SMARCC1: variants seen among roughly 807,000 people sequenced by gnomAD.
SMARCC1 encodes SWI/SNF complex subunit SMARCC1.
In SMARCC1, 43 loss-of-function variants were observed where a neutral mutation model predicts 147.4. The observed-to-expected ratio is 0.29, with a 90% CI of 0.23 to 0.38. The LOEUF (loss-of-function observed/expected upper bound fraction) is 0.38. SMARCC1 is among the 10% of genes least tolerant of loss of function. SMARCC1 has a pLI of 1.00. For synonymous variants in SMARCC1, 495 were observed against 484.4 expected (o/e 1.02, Z -0.29); for missense variants, 1,119 against 1,381.1 (o/e 0.81, Z 3.01).
intron 21 of SMARCC1, among the ~76,000 whole-genome samples, chr3:47,646,162 AT>A (rs1345471325): frequency 6.6e-6 from 1 of 152,124 alleles, no homozygotes; most frequent in Non-Finnish European, 1.5e-5. Context: ...TCTAAAAAAA[AT>A]AAATAATTTA....
chr3:47,658,419 T>C (rs2033291815), intron 21 of SMARCC1, among the ~76,000 whole-genome samples: 1 of 152,240 alleles, frequency 6.6e-6, no homozygotes, highest in Non-Finnish European at 1.5e-5. Context: ...ATCCTTTTGC[T>C]ATCAACCCCC....
intron 22 of SMARCC1, among the ~76,000 whole-genome samples, chr3:47,636,798 G>A (rs1400393763): frequency 5.8e-5 from 6 of 102,686 alleles, no homozygotes; most frequent in African/African-American, 1.0e-4. Context: ...ATGTGTGTGT[G>A]TGTGTGTGTG....
intron 2 of SMARCC1, among the ~76,000 whole-genome samples, chr3:47,754,800 T>G (rs2034669477): frequency 1.3e-5 from 2 of 152,144 alleles, no homozygotes; most frequent in African/African-American, 4.8e-5. Context: ...GCCAGAACTT[T>G]GGGAGGCCAA....
At chr3:47,658,005 C>G (rs2033286361) in intron 21 of SMARCC1, among the ~76,000 whole-genome samples, 1 of 151,444 alleles carries the variant, frequency 6.6e-6, no homozygotes, top group Admixed American at 6.6e-5. Flanking sequence ...TAACCCAAAG[C>G]AAGCAGAAGG....
At chr3:47,657,412 G>GA (rs1239034733) in intron 21 of SMARCC1, among the ~76,000 whole-genome samples, 3 of 152,262 alleles carry the variant, frequency 2.0e-5, no homozygotes, top group South Asian at 4.1e-4. Flanking sequence ...AGTAAAAGAA[G>GA]AAAATCTTTA....
rs372364849 is a variant in SMARCC1 at position 47,710,799 on chromosome 3, T to C, written c.802A>G (p.Lys268Glu). 17 of 1,610,836 alleles carry C rather than the reference T, an allele frequency of 1.1e-5. No individual in the cohort carries two copies. In the African/African-American group the frequency reaches 2.1e-4, roughly 20 times the overall value. The stretch of plus-strand genomic sequence containing the variant: ...AAAATATCAGTGTCCAAAATCCATT[T>C]CACATGAACCTAAAACCATATCAAA... ...IPEKPWKVHV[K>E]WILDTDIFNE... Residue 268 changes from lysine to glutamate, a missense_variant, in exon 9 of 28, where the codon AAA (lysine) becomes GAA (glutamate). Physicochemically the swap from Lys to Glu is moderately conservative, Grantham distance 56 (BLOSUM62 1). Coordinates refer to ENST00000254480, the MANE Select transcript of SMARCC1 (RefSeq NM_003074.4).
chr3:47,598,888 C>G (rs191200677), intron 26 of SMARCC1, among the ~76,000 whole-genome samples: 92 of 144,884 alleles, frequency 6.3e-4, no homozygotes, highest in African/African-American at 2.3e-3. Context: ...CACACACACA[C>G]AGAGACAAAG....
intron 1 of SMARCC1, among the ~76,000 whole-genome samples, chr3:47,779,362 C>T (rs573372332): frequency 3.3e-5 from 5 of 152,162 alleles, no homozygotes; most frequent in Middle Eastern, 3.2e-3. Flanking sequence ...AAAACCAATG[C>T]GTACACCAAA....
chr3:47,639,133 G>A (rs1322795786), intron 21 of SMARCC1, among the ~76,000 whole-genome samples: 1 of 152,054 alleles, frequency 6.6e-6, no homozygotes, highest in Admixed American at 6.6e-5. Flanking sequence ...GTCTGCTTAG[G>A]ATTTTCGATT....
At chr3:47,780,252 G>GCTT (rs1189757488) in intron 1 of SMARCC1, among the ~76,000 whole-genome samples, 1 of 131,588 alleles carries the variant, frequency 7.6e-6, no homozygotes, top group Non-Finnish European at 1.5e-5. Context: ...GCTCACTGCA[G>GCTT]CTTCTGCCTC....
intron 2 of SMARCC1, among the ~76,000 whole-genome samples, chr3:47,748,118 C>A (rs555477133): frequency 2.0e-5 from 3 of 151,984 alleles, no homozygotes; most frequent in South Asian, 4.2e-4. Flanking sequence ...CCACTGCACT[C>A]CAGCCTGGGC....
Position 47,706,401 on chromosome 3 carries a change from G to A in SMARCC1, c.1040+8C>T. 1 of 1,556,002 alleles carries A rather than the reference G, an allele frequency of 6.4e-7. No individual in the cohort carries two copies. The highest frequency in any genetic ancestry group is 8.6e-7 in the Non-Finnish European group (1 of 1,156,400). On this transcript the variant is annotated splice_region_variant and intron_variant, in intron 10 of 27. Coordinates refer to ENST00000254480, the MANE Select transcript of SMARCC1 (RefSeq NM_003074.4). ...TTAATGCCCTTTGAATCATGTAATA[G>A]TTCTTACCCTTTCTTCCCACTCTTC...
intron 3 of SMARCC1, among the ~76,000 whole-genome samples, chr3:47,740,178 CTTTTTTTTTTTT>C (rs34523367): frequency 0.011 from 376 of 35,742 alleles, 12 homozygotes; most frequent in African/African-American, 0.028. Context: ...GCCCGGCCAT[CTTTTTTTTTTTT>C]TTTTTTTTTT....
rs369709177 is a variant in SMARCC1 at position 47,762,818 on chromosome 3, G to A, written c.315+9999C>T. Among the ~76,000 whole-genome samples, 13 of 152,256 alleles carry A rather than the reference G, an allele frequency of 8.5e-5. No individual in the cohort carries two copies. The East Asian group carries it at 1.9e-3, about 23-fold the overall frequency. On this transcript the variant is annotated intron_variant, in intron 2 of 27. Coordinates refer to ENST00000254480, the MANE Select transcript of SMARCC1 (RefSeq NM_003074.4). ...GCAGTAGCTCACGCCTGTAATCCCA[G>A]CACTTTGGGAGGCCGAGGCGGGCAG...
At chr3:47,764,516 C>T (rs1367184949) in intron 2 of SMARCC1, among the ~76,000 whole-genome samples, 1 of 152,210 alleles carries the variant, frequency 6.6e-6, no homozygotes, top group African/African-American at 2.4e-5. Flanking sequence ...CCACATGGTA[C>T]GGAGTACAAA....
At chr3:47,667,440 G>A (rs2033436656) in intron 19 of SMARCC1, among the ~76,000 whole-genome samples, 1 of 152,160 alleles carries the variant, frequency 6.6e-6, no homozygotes, top group African/African-American at 2.4e-5. Flanking sequence ...AAAATAAATA[G>A]CATGAGAAAG....
intron 3 of SMARCC1, among the ~76,000 whole-genome samples, chr3:47,738,619 G>C (rs1009904771): frequency 6.6e-6 from 1 of 152,192 alleles, no homozygotes; most frequent in East Asian, 1.9e-4. Context: ...GAGAGGCGGA[G>C]GTTGCAGTGA....
At chr3:47,630,211 G>A (rs1158729152) in intron 24 of SMARCC1, among the ~76,000 whole-genome samples, 1 of 151,998 alleles carries the variant, frequency 6.6e-6, no homozygotes, top group Non-Finnish European at 1.5e-5. Flanking sequence ...GGATGAAACT[G>A]TTACACTTCA....
At chr3:47,684,048 C>T (rs564211007) in intron 14 of SMARCC1, among the ~76,000 whole-genome samples, 1 of 152,076 alleles carries the variant, frequency 6.6e-6, no homozygotes, top group Non-Finnish European at 1.5e-5. Context: ...GTCAGGAGAT[C>T]GAGACCACGG....
Sources: allele counts gnomAD v4.1 joint callset (sites outside exome capture counted in the v4.1 genomes callset), GRCh38; gene constraint gnomAD v4.1.1; transcripts MANE v1.5; gene names NCBI Gene and HGNC (gene_info 2026-07-23, HGNC 2026-07-21).